Variants in CD96 observed in about 807,000 individuals in gnomAD.
CD96 encodes the protein CD96 molecule, also known as T-cell surface protein tactile.
CD96 carries 70 observed loss-of-function variants against 71.3 expected under a neutral mutation model. The ratio of observed to expected loss-of-function variants is 0.98; its 90% CI spans 0.81 to 1.20. CD96 has a LOEUF of 1.20. Among genes scored for constraint, CD96 ranks in the 50% most tolerant of loss-of-function variants. CD96 has a pLI of 0.00. For missense variants in CD96, 742 were observed against 677.5 expected (o/e 1.10, Z -1.06); for synonymous variants, 248 against 233.0 (o/e 1.06, Z -0.59).
At chr3:111,565,720 C>T (rs1203518313) in intron 2 of CD96, among the ~76,000 whole-genome samples, 1 of 150,934 alleles carries the variant, frequency 6.6e-6, no homozygotes, top group Non-Finnish European at 1.5e-5. Flanking sequence ...CAATTATGGG[C>T]TTGGAGTACT....
At chr3:111,575,771 T>C (rs1936194428) in intron 3 of CD96, among the ~76,000 whole-genome samples, 1 of 152,216 alleles carries the variant, frequency 6.6e-6, no homozygotes, top group East Asian at 1.9e-4. Flanking sequence ...CAAAAATCTT[T>C]GTCCTCACAT....
downstream of CD96, chr3:111,652,408 T>C (rs1023608215): frequency 8.6e-5 from 13 of 152,004 alleles, no homozygotes; most frequent in Admixed American, 3.9e-4. Context: ...TACTATAATA[T>C]ATGAATACAA....
At chr3:111,561,184 C>T (rs1476575776) in intron 2 of CD96, among the ~76,000 whole-genome samples, 8 of 135,904 alleles carry the variant, frequency 5.9e-5, no homozygotes, top group African/African-American at 1.4e-4. Flanking sequence ...GTAATTTGAT[C>T]GTCTGAAGCC....
At chr3:111,604,954 C>T (rs533463849) in intron 7 of CD96, among the ~76,000 whole-genome samples, 1 of 152,268 alleles carries the variant, frequency 6.6e-6, no homozygotes, top group Admixed American at 6.5e-5. Flanking sequence ...GTTTGCCAAC[C>T]TCTATTTTAA....
intron 10 of CD96, among the ~76,000 whole-genome samples, chr3:111,633,267 A>G (rs1020956504): frequency 6.6e-6 from 1 of 152,200 alleles, no homozygotes; most frequent in African/African-American, 2.4e-5. Flanking sequence ...ACATTTATCA[A>G]TTAAGTTCTC....
At chr3:111,619,684 T>C (rs745420674) in intron 8 of CD96, among the ~76,000 whole-genome samples, 42 of 152,236 alleles carry the variant, frequency 2.8e-4, no homozygotes, top group Admixed American at 1.2e-3. Flanking sequence ...TCTGGAAATA[T>C]ATGATCAATA....
intron 2 of CD96, among the ~76,000 whole-genome samples, chr3:111,550,981 G>A (rs1438238512): frequency 6.6e-6 from 1 of 152,114 alleles, no homozygotes; most frequent in Non-Finnish European, 1.5e-5. Flanking sequence ...AAAACAAAAA[G>A]GCAAAGGATT....
chr3:111,642,645 A>G (rs1939646366), intron 12 of CD96, among the ~76,000 whole-genome samples: 1 of 151,946 alleles, frequency 6.6e-6, no homozygotes, highest in Non-Finnish European at 1.5e-5. Context: ...CGTCTCTACT[A>G]AAAATACAAA....
chr3:111,625,855 T>C (rs900752322), intron 10 of CD96, among the ~76,000 whole-genome samples: 6 of 152,098 alleles, frequency 3.9e-5, no homozygotes, highest in African/African-American at 1.4e-4. Context: ...ACACATATAA[T>C]TGAAAATGAA....
chr3:111,577,168 C>T (rs1006110895), intron 3 of CD96, among the ~76,000 whole-genome samples: 4 of 152,214 alleles, frequency 2.6e-5, no homozygotes, highest in Non-Finnish European at 5.9e-5. Flanking sequence ...TCTCACCAGT[C>T]TCCAACTTCA....
intron 12 of CD96, among the ~76,000 whole-genome samples, chr3:111,645,337 T>C (rs1939780120): frequency 6.6e-6 from 1 of 151,912 alleles, no homozygotes; most frequent in African/African-American, 2.4e-5. Flanking sequence ...CGCAAAGACA[T>C]AAGAATGACA....
intron 8 of CD96, chr3:111,607,125 AAAATCCTTTACTT>A (rs1472794882): frequency 1.3e-5 from 4 of 297,548 alleles, no homozygotes; most frequent in Non-Finnish European, 2.6e-5. Context: ...CATAGCTTCC[AAAATCCTTTACTT>A]AAAGCCCTGG....
intron 6 of CD96, 67 bp from the exon 7 acceptor site, chr3:111,600,659 C>T (rs1937450604): frequency 8.4e-7 from 1 of 1,191,204 alleles, no homozygotes; most frequent in Admixed American, 1.7e-5. Context: ...CATGCCATGC[C>T]TTGGCATTAT....
intron 14 of CD96, among the ~76,000 whole-genome samples, chr3:111,661,946 G>T (rs1940369521): frequency 6.6e-6 from 1 of 152,218 alleles, no homozygotes. Flanking sequence ...TTTCCCCTTT[G>T]CCTTACCCTA....
At chr3:111,562,235 G>A (rs1376909538) in intron 2 of CD96, among the ~76,000 whole-genome samples, 4 of 152,048 alleles carry the variant, frequency 2.6e-5, no homozygotes, top group Non-Finnish European at 4.4e-5. Context: ...GCTCCTCCCC[G>A]AATAACAACT....
intron 2 of CD96, among the ~76,000 whole-genome samples, chr3:111,553,434 CTTTTT>C (rs34837219): frequency 8.7e-6 from 1 of 115,182 alleles, no homozygotes. Flanking sequence ...TTTCTTTTTT[CTTTTT>C]TTTTTTTTTT....
At chr3:111,559,165 G>A (rs1296223637) in intron 2 of CD96, among the ~76,000 whole-genome samples, 1 of 150,400 alleles carries the variant, frequency 6.6e-6, no homozygotes, top group East Asian at 2.0e-4. Flanking sequence ...CCAGCTCCTG[G>A]ATTCATTGAT....
At chr3:111,614,969 C>T (rs372683267) in intron 8 of CD96, among the ~76,000 whole-genome samples, 5 of 152,208 alleles carry the variant, frequency 3.3e-5, no homozygotes, top group African/African-American at 1.2e-4. Context: ...GCTCCCACCC[C>T]GTCACACAGC....
In CD96 at chr3:111,625,630, G is replaced by C. The variant is rs1938713420; in HGVS notation, c.1321+1226G>C. 3.3e-5 allele frequency among the ~76,000 whole-genome samples: 5 copies of C among 152,160 alleles called. No homozygotes were observed. In the South Asian group the frequency reaches 1.0e-3, roughly 32 times the overall value. On this transcript the variant is annotated intron_variant, in intron 10 of 13. Transcript: ENST00000352690. ...CATTACACAAAAATAACTCTATATAGTTTAAGATCTTTATGTCAAAAGCAA... is the reference window on the plus strand; with the variant it reads ...CATTACACAAAAATAACTCTATATACTTTAAGATCTTTATGTCAAAAGCAA...
Sources: allele counts gnomAD v4.1 joint callset (sites outside exome capture counted in the v4.1 genomes callset), GRCh38; gene constraint gnomAD v4.1.1; transcripts MANE v1.5; gene names NCBI Gene and HGNC (gene_info 2026-07-23, HGNC 2026-07-21).